CYP2C19: variants seen among roughly 807,000 people sequenced by gnomAD.
CYP2C19 encodes the protein cytochrome P450 2C19.
In CYP2C19, 59 loss-of-function variants were observed where a neutral mutation model predicts 40.9. The ratio of observed to expected loss-of-function variants is 1.44; its 90% CI spans 1.17 to 1.79. The LOEUF is 1.79. CYP2C19 is among the 40% of genes most tolerant of loss of function. The probability of loss-of-function intolerance (pLI) is 0.00; values close to 1 mark genes in which losing one functional copy is unlikely to be tolerated. For synonymous variants in CYP2C19, 253 were observed against 208.7 expected (o/e 1.21, Z -1.83); for missense variants, 754 against 596.9 (o/e 1.26, Z -2.74).
At chr10:94,769,685 C>T (rs761984403) in intron 1 of CYP2C19, among the ~76,000 whole-genome samples, 2 of 152,112 alleles carry the variant, frequency 1.3e-5, no homozygotes, top group South Asian at 2.1e-4. Flanking sequence ...TAACAATATC[C>T]TGTAATCCTT....
At chr10:94,823,998 T>G (rs1327123166) in intron 6 of CYP2C19, among the ~76,000 whole-genome samples, 1 of 152,186 alleles carries the variant, frequency 6.6e-6, no homozygotes, top group Non-Finnish European at 1.5e-5. Context: ...TGACAGATTT[T>G]ATGAGAGTTT....
intron 6 of CYP2C19, among the ~76,000 whole-genome samples, chr10:94,825,488 A>G (rs1278364303): frequency 6.8e-6 from 1 of 146,668 alleles, no homozygotes; most frequent in Non-Finnish European, 1.5e-5. Context: ...TCCTTTGCCC[A>G]CTTTTTGATG....
At chr10:94,826,533 G>C (rs532870937) in intron 6 of CYP2C19, among the ~76,000 whole-genome samples, 4 of 152,276 alleles carry the variant, frequency 2.6e-5, no homozygotes, top group African/African-American at 9.6e-5. Flanking sequence ...TGCTGAAGTT[G>C]TTTATCAGCT....
At chr10:94,810,747 T>C (rs1361559356) in intron 5 of CYP2C19, among the ~76,000 whole-genome samples, 2 of 152,216 alleles carry the variant, frequency 1.3e-5, no homozygotes, top group Non-Finnish European at 2.9e-5. Context: ...CTTTATCATT[T>C]TTTTGTTCTC....
chr10:94,849,307 G>A (rs1322181), intron 7 of CYP2C19, among the ~76,000 whole-genome samples: 73,561 of 151,884 alleles, frequency 0.48, 18,753 homozygotes, highest in African/African-American at 0.64. Flanking sequence ...TTCAAATGTG[G>A]TTGTGGGCAT....
rs536982317 is a variant in CYP2C19, at chr10:94,833,453, CT to C, written c.962-9375del. On this transcript the variant is annotated intron_variant, in intron 6 of 8. Coordinates refer to ENST00000371321, the MANE Select transcript of CYP2C19 (RefSeq NM_000769.4). ...CCTTCTATCTCAAGTGTTTTTTTTT[CT>C]TTTTTTTTATTATACTTTAAGATTT... 5.5e-3 allele frequency among the ~76,000 whole-genome samples: 821 copies of C among 149,324 alleles called. 2 individuals carry two copies. Among genetic ancestry groups the C allele is most frequent in the Non-Finnish European group, 6.6e-3 (441 of 67,224 alleles).
At chr10:94,766,266 G>A (rs1230420164) in intron 1 of CYP2C19, among the ~76,000 whole-genome samples, 2 of 151,464 alleles carry the variant, frequency 1.3e-5, no homozygotes, top group Admixed American at 6.6e-5. Flanking sequence ...TGAGAGTCTT[G>A]TAGAGATAAT....
intron 6 of CYP2C19, among the ~76,000 whole-genome samples, chr10:94,841,705 G>T (rs1589376131): frequency 6.6e-6 from 1 of 152,072 alleles, no homozygotes; most frequent in Non-Finnish European, 1.5e-5. Context: ...ATTATCATTT[G>T]TTTCAAGAAA....
intron 7 of CYP2C19, 143 bp from the exon 8 acceptor site, chr10:94,849,774 A>G (rs17883850): frequency 4.5e-5 from 46 of 1,016,060 alleles, no homozygotes; most frequent in African/African-American, 2.1e-4. Context: ...TACTTCGTCT[A>G]TCTGTCTGGA....
At chr10:94,826,030 T>C (rs1849214620) in intron 6 of CYP2C19, among the ~76,000 whole-genome samples, 2 of 149,884 alleles carry the variant, frequency 1.3e-5, no homozygotes, top group African/African-American at 2.4e-5. Context: ...TCTGTTTTGG[T>C]ACCAGTACCA....
intron 5 of CYP2C19, among the ~76,000 whole-genome samples, chr10:94,788,960 A>T (rs1422248609): frequency 2.6e-5 from 4 of 152,240 alleles, no homozygotes; most frequent in African/African-American, 4.8e-5. Flanking sequence ...TTACATTCCC[A>T]CAAACAGTGT....
intron 6 of CYP2C19, among the ~76,000 whole-genome samples, chr10:94,842,121 C>T (rs1849504392): frequency 6.6e-6 from 1 of 152,096 alleles, no homozygotes; most frequent in Non-Finnish European, 1.5e-5. Flanking sequence ...GTATTGGGGC[C>T]TATCTCTCTC....
intron 6 of CYP2C19, among the ~76,000 whole-genome samples, chr10:94,840,118 C>A (rs144415472): frequency 6.6e-6 from 1 of 151,932 alleles, no homozygotes; most frequent in African/African-American, 2.4e-5. Flanking sequence ...GGCCCATCCG[C>A]GGGTTACTGG....
intron 8 of CYP2C19, among the ~76,000 whole-genome samples, chr10:94,852,336 C>A (rs141402116): frequency 2.6e-5 from 4 of 152,228 alleles, no homozygotes; most frequent in East Asian, 3.9e-4. Flanking sequence ...AGGGAAATGC[C>A]GAATGTGAGC....
chr10:94,778,044 G>A (rs1848433807), intron 3 of CYP2C19, among the ~76,000 whole-genome samples: 1 of 152,178 alleles, frequency 6.6e-6, no homozygotes, highest in Non-Finnish European at 1.5e-5. Flanking sequence ...CAGGTATGAG[G>A]TGTAAGAGCA....
At chr10:94,792,781 T>C (rs551113710) in intron 5 of CYP2C19, among the ~76,000 whole-genome samples, 1 of 152,316 alleles carries the variant, frequency 6.6e-6, no homozygotes, top group East Asian at 1.9e-4. Flanking sequence ...CTGGCTGCCC[T>C]AAATATTTAT....
chr10:94,814,333 A>G (rs1848969729), intron 5 of CYP2C19, among the ~76,000 whole-genome samples: 1 of 151,682 alleles, frequency 6.6e-6, no homozygotes, highest in Non-Finnish European at 1.5e-5. Flanking sequence ...CTGTTATTTG[A>G]GAGTTATTAT....
At chr10:94,820,380 T>C (rs372668638) in intron 5 of CYP2C19, 116 bp from the exon 6 acceptor site, 124 of 1,200,266 alleles carry the variant, frequency 1.0e-4, no homozygotes, top group Admixed American at 5.5e-4. Flanking sequence ...TTTTTTCTAG[T>C]ACTATACTTT....
Position 94,842,952 on chromosome 10 carries a change from C to A in CYP2C19, c.1077C>A (p.Ile359=). ...TGGTGCACGAGGTCCAGAGATACAT[C>A]GACCTCATCCCCACCAGCCTGCCCC... ...DAVVHEVQRY[I]DLIPTSLPHA... Residue 359 remains isoleucine (I), a synonymous_variant, in exon 7 of 9, where the codon ATC becomes ATA. Coordinates refer to ENST00000371321, the MANE Select transcript of CYP2C19 (RefSeq NM_000769.4). 6.2e-7 allele frequency: 1 copy of A among 1,614,190 alleles called. No individual in the cohort carries two copies. Among genetic ancestry groups the A allele is most frequent in the Non-Finnish European group, 8.5e-7 (1 of 1,180,032 alleles).
Sources: gnomAD v4.1 joint callset for allele counts (sites outside exome capture counted in the v4.1 genomes callset) on GRCh38, gnomAD v4.1.1 for gene constraint, MANE v1.5 for transcripts, NCBI Gene and HGNC (gene_info 2026-07-23, HGNC 2026-07-21) for gene names.